The following LRRTM4 variants were observed in gnomAD, a reference collection of about 807,000 sequenced individuals.
LRRTM4 encodes leucine-rich repeat transmembrane neuronal protein 4.
Under a neutral mutation model 47.6 loss-of-function variants are expected in LRRTM4, and 25 were observed. The ratio of observed to expected loss-of-function variants is 0.53; its 90% CI spans 0.38 to 0.73. The LOEUF (loss-of-function observed/expected upper bound fraction) is 0.73. Ranked by LOEUF, LRRTM4 falls within the 30% of genes least tolerant of loss-of-function variation. The probability of loss-of-function intolerance (pLI) is 0.00; values close to 1 mark genes in which losing one functional copy is unlikely to be tolerated. For missense variants in LRRTM4, 638 were observed against 713.4 expected (o/e 0.89, Z 1.20); for synonymous variants, 311 against 269.5 (o/e 1.15, Z -1.51).
chr2:77,318,701 A>G (rs756101086), intron 3 of LRRTM4, among the ~76,000 whole-genome samples: 12 of 152,182 alleles, frequency 7.9e-5, no homozygotes, highest in Non-Finnish European at 1.8e-4. Context: ...AAAAGTGATC[A>G]TTATAATTTT....
chr2:77,397,362 G>T (rs1673744519), intron 3 of LRRTM4, among the ~76,000 whole-genome samples: 1 of 151,712 alleles, frequency 6.6e-6, no homozygotes, highest in African/African-American at 2.4e-5. Context: ...GGAGGAGGAG[G>T]GACATTGTCT....
At chr2:76,839,602 C>T (rs1671613824) in intron 3 of LRRTM4, among the ~76,000 whole-genome samples, 1 of 151,936 alleles carries the variant, frequency 6.6e-6, no homozygotes, top group African/African-American at 2.4e-5. Context: ...TTCTTGTATG[C>T]TGGAGATGGT....
intron 3 of LRRTM4, among the ~76,000 whole-genome samples, chr2:77,064,335 T>C (rs968287118): frequency 6.6e-6 from 1 of 152,176 alleles, no homozygotes; most frequent in Non-Finnish European, 1.5e-5. Flanking sequence ...ACCTGATAAT[T>C]ACCCCATTTA....
At chr2:77,386,603 T>A (rs760630708) in intron 3 of LRRTM4, among the ~76,000 whole-genome samples, 19 of 152,162 alleles carry the variant, frequency 1.2e-4, no homozygotes, top group Non-Finnish European at 2.6e-4. Context: ...GTAGAATGAT[T>A]TGGGTATATA....
chr2:76,979,521 G>A (rs1054617634), intron 3 of LRRTM4, among the ~76,000 whole-genome samples: 4 of 99,950 alleles, frequency 4.0e-5, no homozygotes, highest in Non-Finnish European at 7.7e-5. Flanking sequence ...ATCTAATTCA[G>A]ACTGCAAAAC....
At chr2:77,445,065 TTTG>T (rs1378832719) in intron 3 of LRRTM4, among the ~76,000 whole-genome samples, 1 of 151,766 alleles carries the variant, frequency 6.6e-6, no homozygotes, top group East Asian at 1.9e-4. Flanking sequence ...GTCACTCATT[TTTG>T]TTGTTGTTTT....
At chr2:77,448,296 C>A (rs1676129895) in intron 3 of LRRTM4, among the ~76,000 whole-genome samples, 1 of 152,136 alleles carries the variant, frequency 6.6e-6, no homozygotes, top group Non-Finnish European at 1.5e-5. Context: ...AGATGATTGG[C>A]AAGGCCAGTG....
At chr2:76,971,866 C>G (rs542006213) in intron 3 of LRRTM4, among the ~76,000 whole-genome samples, 1 of 151,810 alleles carries the variant, frequency 6.6e-6, no homozygotes, top group Non-Finnish European at 1.5e-5. Context: ...ACATCTATAA[C>G]GTTTAAATTG....
chr2:77,463,339 TA>T (rs1205018170), intron 3 of LRRTM4, among the ~76,000 whole-genome samples: 1 of 152,130 alleles, frequency 6.6e-6, no homozygotes, highest in East Asian at 1.9e-4. Context: ...TGATTGTAAA[TA>T]ACAAAACCCT....
In LRRTM4 at chr2:76,805,444, CAAGT is replaced by C; in HGVS notation, c.1552-56532_1552-56529del. Among the ~76,000 whole-genome samples, 3 of 152,074 alleles carry C rather than the reference CAAGT, an allele frequency of 2.0e-5. No individual in the cohort carries two copies. In the South Asian group the frequency reaches 6.2e-4, roughly 32 times the overall value. On this transcript the variant is annotated intron_variant, in intron 3 of 3. Transcript: ENST00000409884. Reference sequence around the variant, plus strand: ...AGAGGTTCTGAAATATTCAGGGGCTCAAGTAACATATATTTAAACATATTGAAGA... The same window carrying C: ...AGAGGTTCTGAAATATTCAGGGGCTCAACATATATTTAAACATATTGAAGA...
chr2:77,030,601 A>G (rs573713604), intron 3 of LRRTM4, among the ~76,000 whole-genome samples: 1 of 152,312 alleles, frequency 6.6e-6, no homozygotes, highest in Non-Finnish European at 1.5e-5. Context: ...AAATAATCTG[A>G]ATCTACCCTT....
intron 3 of LRRTM4, among the ~76,000 whole-genome samples, chr2:77,214,701 T>A (rs959489044): frequency 6.7e-6 from 1 of 149,040 alleles, no homozygotes; most frequent in Non-Finnish European, 1.5e-5. Context: ...ATATAAATCT[T>A]TTTTTTTTTA....
chr2:76,751,640 A>G (rs868154935), intron 3 of LRRTM4, among the ~76,000 whole-genome samples: 2 of 151,958 alleles, frequency 1.3e-5, no homozygotes, highest in African/African-American at 4.8e-5. Context: ...ATTCAATGAG[A>G]CCTCTTTCAA....
chr2:76,902,041 T>C (rs1468526092), intron 3 of LRRTM4, among the ~76,000 whole-genome samples: 1 of 152,182 alleles, frequency 6.6e-6, no homozygotes, highest in Admixed American at 6.5e-5. Context: ...TTTCTCAGAA[T>C]GCAAGAAATG....
At chr2:76,830,579 T>C (rs1347313455) in intron 3 of LRRTM4, among the ~76,000 whole-genome samples, 1 of 150,788 alleles carries the variant, frequency 6.6e-6, no homozygotes, top group Admixed American at 6.7e-5. Flanking sequence ...AGCATAACAG[T>C]GAAATGGAAG....
chr2:76,933,160 T>C (rs1423220352), intron 3 of LRRTM4, among the ~76,000 whole-genome samples: 2 of 152,126 alleles, frequency 1.3e-5, no homozygotes, highest in East Asian at 1.9e-4. Context: ...TTTTAAAAAA[T>C]ATGTGAAATG....
chr2:77,490,358 A>T (rs1678095322), intron 3 of LRRTM4, among the ~76,000 whole-genome samples: 1 of 152,144 alleles, frequency 6.6e-6, no homozygotes, highest in Non-Finnish European at 1.5e-5. Flanking sequence ...AAAGAAAGGG[A>T]ACACTGATGA....
chr2:76,976,234 G>A (rs946720403), intron 3 of LRRTM4, among the ~76,000 whole-genome samples: 1 of 151,550 alleles, frequency 6.6e-6, no homozygotes, highest in African/African-American at 2.4e-5. Context: ...AGAGCCTTCA[G>A]TAATAACACA....
At chr2:76,886,274 G>T (rs1673073333) in intron 3 of LRRTM4, among the ~76,000 whole-genome samples, 2 of 152,216 alleles carry the variant, frequency 1.3e-5, no homozygotes, top group Middle Eastern at 3.4e-3. Context: ...GATCATTTGG[G>T]TCCAATACAT....
Sources: gnomAD v4.1 joint callset for allele counts (sites outside exome capture counted in the v4.1 genomes callset) on GRCh38, gnomAD v4.1.1 for gene constraint, MANE v1.5 for transcripts, NCBI Gene and HGNC (gene_info 2026-07-23, HGNC 2026-07-21) for gene names.